Variants in MBP observed in about 807,000 individuals in gnomAD.
MBP encodes Golli-MBP.
A neutral mutation model predicts 35.8 loss-of-function variants in MBP; 16 were observed. The observed-to-expected ratio is 0.45, with a 90% CI of 0.30 to 0.68. The LOEUF (loss-of-function observed/expected upper bound fraction) is 0.68, where lower values mean the gene tolerates loss of function less well. MBP is among the 30% of genes least tolerant of loss of function. The pLI, the probability that MBP is intolerant of heterozygous loss-of-function variation, is 0.08. For missense variants in MBP, 380 were observed against 404.7 expected, an observed-to-expected ratio of 0.94 and a Z score of 0.52; for synonymous variants, 143 against 159.6, an observed-to-expected ratio of 0.90 and a Z score of 0.78.
chr18:77,079,757 C>T (rs1359401336), intron 2 of MBP, among the ~76,000 whole-genome samples: 2 of 152,118 alleles, frequency 1.3e-5, no homozygotes, highest in Non-Finnish European at 2.9e-5. Context: ...CTCTAGTTCT[C>T]TTTTTAAGAA....
intron 2 of MBP, among the ~76,000 whole-genome samples, chr18:77,068,039 T>TTTGTGTG (rs1974273857): frequency 2.6e-5 from 3 of 114,740 alleles, no homozygotes; most frequent in Admixed American, 8.6e-5. Context: ...GTGTGTGTGT[T>TTTGTGTG]TGTGTGTGTG....
intron 4 of MBP, among the ~76,000 whole-genome samples, chr18:76,995,136 A>G (rs967501123): frequency 1.3e-5 from 2 of 152,264 alleles, no homozygotes; most frequent in African/African-American, 4.8e-5. Context: ...TACATTTAGC[A>G]AAAATGTACA....
chr18:77,068,744 G>T (rs913170899), intron 2 of MBP, among the ~76,000 whole-genome samples: 1 of 152,206 alleles, frequency 6.6e-6, no homozygotes, highest in Non-Finnish European at 1.5e-5. Context: ...GAAATGCAGA[G>T]AATGTTCAAA....
chr18:76,995,414 A>G (rs1184119959), intron 4 of MBP, among the ~76,000 whole-genome samples: 1 of 152,206 alleles, frequency 6.6e-6, no homozygotes, highest in Non-Finnish European at 1.5e-5. Flanking sequence ...AGTGAGAAAA[A>G]CACATTACCT....
At chr18:77,062,512 A>G (rs62861161) in intron 3 of MBP, among the ~76,000 whole-genome samples, 20 of 6,610 alleles carry the variant, frequency 3.0e-3, no homozygotes, top group African/African-American at 7.7e-3. Context: ...AAAGCTGTCG[A>G]AAAAAAAAAA....
At chr18:76,996,505 A>T (rs1442757581) in intron 4 of MBP, among the ~76,000 whole-genome samples, 3 of 152,168 alleles carry the variant, frequency 2.0e-5, no homozygotes, top group Admixed American at 1.3e-4. Flanking sequence ...GGATAAACAC[A>T]CTGTGCTGTA....
At position 77,069,601 on chromosome 18, in the gene MBP, C is replaced by T. The variant is rs558496266; in HGVS notation, c.52-3216G>A. Among the ~76,000 whole-genome samples, 80 of 152,298 alleles carry T rather than the reference C, an allele frequency of 5.3e-4. 1 individual carries two copies. The highest frequency in any genetic ancestry group is 9.6e-4 in the Non-Finnish European group (65 of 68,030). On this transcript the variant is annotated intron_variant, in intron 2 of 8. Coordinates refer to ENST00000355994, the MANE Select transcript of MBP (RefSeq NM_001025101.2). The stretch of plus-strand genomic sequence containing the variant: ...ACAATGCCGCATCTTAGAAATGAGG[C>T]GTTTCAGATGCAGAGTGAAAGCTGA...
At position 77,109,871 on chromosome 18, in the gene MBP, G is replaced by A. The variant is rs562705133; in HGVS notation, c.-25-4585C>T. 3.9e-5 allele frequency: 6 copies of A among 152,326 alleles called. No individual in the cohort carries two copies. The South Asian group carries it at 8.3e-4, about 21-fold the overall frequency. 9.4% of individuals were successfully genotyped at this position (152,326 alleles called of 1,614,324 possible). ...ACCCATATTATAGGACACAGATCAC[G>A]CTTGTGTTACTTTTAGACTTAGGAT... On this transcript the variant is annotated intron_variant, in intron 1 of 8. Transcript: ENST00000355994.
intron 1 of MBP, among the ~76,000 whole-genome samples, chr18:77,123,177 TC>T (rs1976941988): frequency 6.6e-6 from 1 of 152,208 alleles, no homozygotes; most frequent in East Asian, 1.9e-4. Flanking sequence ...ACAACATAGT[TC>T]TATAATTTTT....
At chr18:77,082,691 TG>T in intron 2 of MBP, among the ~76,000 whole-genome samples, 1 of 63,520 alleles carries the variant, frequency 1.6e-5, no homozygotes. Context: ...CTGCAGCAGC[TG>T]GACCAGGTGG....
chr18:77,037,175 C>G (rs1972809463), intron 3 of MBP, among the ~76,000 whole-genome samples: 1 of 141,724 alleles, frequency 7.1e-6, no homozygotes, highest in Non-Finnish European at 1.5e-5. Context: ...CAGAGCTGAG[C>G]AAGTGCTGGT....
At chr18:76,987,400 T>A in intron 7 of MBP, 2 of 985,466 alleles carry the variant, frequency 2.0e-6, no homozygotes, top group South Asian at 4.7e-5. Context: ...TATGCATTAA[T>A]GGAAAACGTT....
At chr18:77,081,011 CT>C (rs1974876172) in intron 2 of MBP, among the ~76,000 whole-genome samples, 1 of 152,152 alleles carries the variant, frequency 6.6e-6, no homozygotes, top group African/African-American at 2.4e-5. Context: ...CAAAACTCTA[CT>C]TTTAACAAAC....
chr18:77,131,288 C>T lies in MBP; in HGVS notation c.-26+1292G>A, dbSNP rs946927015. ...GGGACCTGCTCAATCCATACGGTCC[C>T]CTGACTTGAGGGTGACCGTCCTTAA... On this transcript the variant is annotated intron_variant, in intron 1 of 8. Transcript: ENST00000355994. The surrounding 1 kb of genome is among the most constrained non-coding windows in gnomAD (Gnocchi z 5.5). Among the ~76,000 whole-genome samples, 7 of 152,128 alleles carry T rather than the reference C, an allele frequency of 4.6e-5. No homozygotes were observed. The highest frequency in any genetic ancestry group is 1.0e-4 in the Non-Finnish European group (7 of 68,032).
intron 3 of MBP, among the ~76,000 whole-genome samples, chr18:77,060,652 T>A (rs1264262606): frequency 1.3e-5 from 2 of 152,096 alleles, no homozygotes; most frequent in Non-Finnish European, 2.9e-5. Flanking sequence ...GGTTTCCCCG[T>A]GTTGGTCAGG....
chr18:77,043,688 C>T (rs533271483), intron 3 of MBP, among the ~76,000 whole-genome samples: 39 of 152,204 alleles, frequency 2.6e-4, no homozygotes, highest in Non-Finnish European at 5.3e-4. Context: ...TTTGAACTTG[C>T]GTGCGTGCCC....
chr18:77,103,614 T>C (rs1172729727), intron 2 of MBP, among the ~76,000 whole-genome samples: 1 of 152,214 alleles, frequency 6.6e-6, no homozygotes, highest in Non-Finnish European at 1.5e-5. Flanking sequence ...TCACACAGCA[T>C]GGACCAAGAG....
rs970481183 is a variant in MBP, at chr18:77,016,540, G to T, written c.576+292C>A. 1.8e-5 allele frequency: 22 copies of T among 1,256,654 alleles called. No homozygotes were observed. The African/African-American group carries it at 3.2e-4, about 18-fold the overall frequency. The allele number at this position is 1,256,654 out of a possible 1,614,324, so 77.8% of individuals were successfully genotyped here. On this transcript the variant is annotated intron_variant, in intron 4 of 8. Transcript: ENST00000355994. ...GAGAATGTGGCTCTCTTTCTGCAAC[G>T]CCCATGTCCAGGCACCCTTAGAGAT...
intron 3 of MBP, among the ~76,000 whole-genome samples, chr18:77,060,468 T>TA (rs1555722816): frequency 4.5e-5 from 6 of 132,998 alleles, no homozygotes; most frequent in African/African-American, 1.7e-4. Context: ...TTTTTTTTTT[T>TA]ATGAGGCGGA....
Sources: gnomAD v4.1 joint callset for allele counts (sites outside exome capture counted in the v4.1 genomes callset) on GRCh38, gnomAD v4.1.1 for gene constraint, Gnocchi (gnomAD v3.1) non-coding constraint, MANE v1.5 for transcripts, NCBI Gene and HGNC (gene_info 2026-07-23, HGNC 2026-07-21) for gene names.